ARHGAP24: variants seen among roughly 807,000 people sequenced by gnomAD.
The protein encoded by ARHGAP24 is Rho GTPase activating protein 24.
Under a neutral mutation model 76.4 loss-of-function variants are expected in ARHGAP24, and 50 were observed. The ratio of observed to expected loss-of-function variants is 0.65; its 90% CI spans 0.52 to 0.83. ARHGAP24 has a LOEUF of 0.83. Ranked by LOEUF, ARHGAP24 falls within the 40% of genes least tolerant of loss-of-function variation. The pLI is 0.00. For missense variants in ARHGAP24, 930 were observed against 914.2 expected, an observed-to-expected ratio of 1.02 and a Z score of -0.22; for synonymous variants, 345 against 323.3, an observed-to-expected ratio of 1.07 and a Z score of -0.72.
chr4:85,503,998 T>C (rs773795519), intron 1 of ARHGAP24, among the ~76,000 whole-genome samples: 1 of 152,188 alleles, frequency 6.6e-6, no homozygotes, highest in Non-Finnish European at 1.5e-5. Context: ...CAGGAGCAGG[T>C]TGTTCAGTTT....
At chr4:85,894,675 G>T (rs1734041627) in intron 3 of ARHGAP24, among the ~76,000 whole-genome samples, 1 of 152,022 alleles carries the variant, frequency 6.6e-6, no homozygotes, top group Non-Finnish European at 1.5e-5. Flanking sequence ...AATGGACTTT[G>T]GGAGCCAGGT....
At chr4:85,913,247 G>A (rs966907453) in intron 3 of ARHGAP24, among the ~76,000 whole-genome samples, 1 of 151,464 alleles carries the variant, frequency 6.6e-6, no homozygotes, top group African/African-American at 2.4e-5. Context: ...CACATTCCAG[G>A]CAGAATTTCA....
intron 2 of ARHGAP24, among the ~76,000 whole-genome samples, chr4:85,571,094 C>T (rs1158363063): frequency 1.3e-5 from 2 of 152,180 alleles, no homozygotes; most frequent in Non-Finnish European, 2.9e-5. Context: ...GAAGGAAGAA[C>T]TGTAGGCACA....
intron 1 of ARHGAP24, among the ~76,000 whole-genome samples, chr4:85,524,965 A>G (rs1054420614): frequency 1.3e-5 from 2 of 152,144 alleles, no homozygotes; most frequent in African/African-American, 4.8e-5. Flanking sequence ...GATTGCCCCA[A>G]TACTATTGAT....
chr4:85,582,659 T>C (rs1727665313), intron 2 of ARHGAP24, among the ~76,000 whole-genome samples: 2 of 152,128 alleles, frequency 1.3e-5, no homozygotes, highest in Admixed American at 6.6e-5. Context: ...ATCCAAAAAG[T>C]GTACAATGGG....
chr4:85,671,514 T>C (rs1722814455), intron 2 of ARHGAP24, among the ~76,000 whole-genome samples: 1 of 152,184 alleles, frequency 6.6e-6, no homozygotes, highest in Non-Finnish European at 1.5e-5. Context: ...TGTGGATGAA[T>C]AGAAGTGATT....
At chr4:85,796,454 C>T (rs1446671856) in intron 3 of ARHGAP24, among the ~76,000 whole-genome samples, 3 of 152,162 alleles carry the variant, frequency 2.0e-5, no homozygotes, top group South Asian at 2.1e-4. Flanking sequence ...GTTACAAAAA[C>T]TCAACTCAAG....
At chr4:85,580,137 G>T (rs1004501746) in intron 2 of ARHGAP24, among the ~76,000 whole-genome samples, 3 of 146,674 alleles carry the variant, frequency 2.0e-5, no homozygotes, top group Non-Finnish European at 3.0e-5. Flanking sequence ...TGTGTGTGGT[G>T]GGGGGGGAGG....
At position 85,741,373 on chromosome 4, in the gene ARHGAP24, A is replaced by T. The variant is rs972331804; in HGVS notation, c.268+19401A>T. On this transcript the variant is annotated intron_variant, in intron 3 of 9. Transcript: ENST00000395184. Reference sequence around the variant, plus strand: ...AGAAGTAAAGAAAAGGGAGGGTTTTAAAATAAATAAATACATAAACAGGGT... The same window carrying T: ...AGAAGTAAAGAAAAGGGAGGGTTTTTAAATAAATAAATACATAAACAGGGT... Among the ~76,000 whole-genome samples the T allele has an allele frequency of 3.3e-5, 5 of 152,254 alleles. No homozygotes were observed. In the South Asian group the frequency reaches 6.2e-4, roughly 19 times the overall value.
At chr4:85,628,154 A>G (rs1721033093) in intron 2 of ARHGAP24, among the ~76,000 whole-genome samples, 2 of 152,202 alleles carry the variant, frequency 1.3e-5, no homozygotes, top group Admixed American at 6.5e-5. Flanking sequence ...GAAATCACCC[A>G]TCTTCTGCGT....
chr4:85,529,599 G>T (rs61658381), intron 1 of ARHGAP24, among the ~76,000 whole-genome samples: 16,890 of 151,914 alleles, frequency 0.11, 3,013 homozygotes, highest in African/African-American at 0.38. Context: ...GTTGGGTATT[G>T]TAGGATGTCA....
At chr4:85,722,087 G>T in intron 3 of ARHGAP24, 115 bp downstream of exon 3, 1 of 973,640 alleles carries the variant, frequency 1.0e-6, no homozygotes, top group South Asian at 1.4e-5. Flanking sequence ...TTAATTTGAG[G>T]CTTGGTTAGT....
At chr4:85,669,644 A>AAT (rs58332235) in intron 2 of ARHGAP24, among the ~76,000 whole-genome samples, 164 of 93,098 alleles carry the variant, frequency 1.8e-3, no homozygotes, top group Non-Finnish European at 2.6e-3. Context: ...TGTACTTTCA[A>AAT]ATATATATAT....
intron 1 of ARHGAP24, among the ~76,000 whole-genome samples, chr4:85,537,922 G>A (rs967453187): frequency 3.9e-5 from 6 of 152,054 alleles, no homozygotes; most frequent in Non-Finnish European, 5.9e-5. Flanking sequence ...TGACCTTGAT[G>A]GAAAGATACT....
At chr4:85,798,745 C>CA (rs1042805543) in intron 3 of ARHGAP24, among the ~76,000 whole-genome samples, 1 of 151,948 alleles carries the variant, frequency 6.6e-6, no homozygotes, top group Non-Finnish European at 1.5e-5. Flanking sequence ...ATAAAGTTGG[C>CA]AAAAATGATA....
At chr4:85,552,426 G>C (rs567797251) in intron 1 of ARHGAP24, among the ~76,000 whole-genome samples, 68 of 152,142 alleles carry the variant, frequency 4.5e-4, no homozygotes, top group African/African-American at 1.6e-3. Flanking sequence ...TTTGTTGATT[G>C]TTTTATGTCC....
chr4:85,655,820 G>GAGAGAGAA (rs1553920530), intron 2 of ARHGAP24, among the ~76,000 whole-genome samples: 84 of 104,306 alleles, frequency 8.1e-4, no homozygotes, highest in African/African-American at 3.2e-3. Context: ...GAGAGAGAAA[G>GAGAGAGAA]AGAGAGAGAG....
chr4:85,837,292 C>A (rs1179453602), intron 3 of ARHGAP24, among the ~76,000 whole-genome samples: 2 of 152,172 alleles, frequency 1.3e-5, no homozygotes, highest in African/African-American at 2.4e-5. Context: ...CTGGGTCATA[C>A]AATCTAATTC....
intron 2 of ARHGAP24, among the ~76,000 whole-genome samples, chr4:85,591,030 G>GTTTTTTTTTTTTTTTT (rs1560544158): frequency 8.2e-6 from 1 of 121,854 alleles, no homozygotes; most frequent in African/African-American, 3.2e-5. Context: ...AAATCTGCTG[G>GTTTTTTTTTTTTTTTT]GTTTTTTTTT....
Sources: gnomAD v4.1 joint callset for allele counts (sites outside exome capture counted in the v4.1 genomes callset) on GRCh38, gnomAD v4.1.1 for gene constraint, MANE v1.5 for transcripts, NCBI Gene and HGNC (gene_info 2026-07-23, HGNC 2026-07-21) for gene names.